The following ENOX1 variants were observed in gnomAD, a reference collection of about 807,000 sequenced individuals.
ENOX1 encodes the protein candidate growth-related and time keeping constitutive hydroquinone (NADH) oxidase.
In ENOX1, 42 loss-of-function variants were observed where a neutral mutation model predicts 82.5. The ratio of observed to expected loss-of-function variants is 0.51; its 90% confidence interval spans 0.40 to 0.66. The LOEUF (loss-of-function observed/expected upper bound fraction) is 0.66, where lower values mean the gene tolerates loss of function less well. Ranked by LOEUF, ENOX1 falls within the 30% of genes least tolerant of loss-of-function variation. The pLI is 0.00. For synonymous variants in ENOX1, 271 were observed against 282.2 expected (o/e 0.96, Z 0.40); for missense variants, 608 against 811.6 (o/e 0.75, Z 3.05).
chr13:43,557,048 G>A (rs933207129), intron 2 of ENOX1, among the ~76,000 whole-genome samples: 3 of 152,360 alleles, frequency 2.0e-5, no homozygotes, highest in South Asian at 4.1e-4. Context: ...TGCGAAGCAG[G>A]AGAGAGTTCA....
chr13:43,218,727 C>G (rs2041623897), intron 16 of ENOX1, among the ~76,000 whole-genome samples: 1 of 152,154 alleles, frequency 6.6e-6, no homozygotes, highest in South Asian at 2.1e-4. Flanking sequence ...AAAGCTGTAT[C>G]AGGTAAGTTA....
At chr13:43,616,451 CT>C (rs66934635) in intron 2 of ENOX1, among the ~76,000 whole-genome samples, 109,192 of 149,896 alleles carry the variant, frequency 0.73, 39,941 homozygotes, top group East Asian at 0.95. Flanking sequence ...ATCCTCCCGC[CT>C]CAGCCTCCCA....
At chr13:43,564,069 T>TA (rs2079810268) in intron 2 of ENOX1, among the ~76,000 whole-genome samples, 1 of 151,724 alleles carries the variant, frequency 6.6e-6, no homozygotes, top group Admixed American at 6.6e-5. Context: ...AAAAATAAAA[T>TA]AAAAAACTAC....
At chr13:43,482,441 A>G (rs769763908) in intron 3 of ENOX1, among the ~76,000 whole-genome samples, 2 of 152,198 alleles carry the variant, frequency 1.3e-5, no homozygotes, top group Admixed American at 6.5e-5. Context: ...AAACTCATAG[A>G]ATAAGGTAAA....
intron 11 of ENOX1, among the ~76,000 whole-genome samples, chr13:43,302,283 AT>A (rs1285099037): frequency 6.6e-6 from 1 of 152,210 alleles, no homozygotes; most frequent in African/African-American, 2.4e-5. Flanking sequence ...GTGATTAAAT[AT>A]TTTGTTGGTG....
At chr13:43,246,778 G>T (rs1377162858) in intron 14 of ENOX1, among the ~76,000 whole-genome samples, 1 of 152,130 alleles carries the variant, frequency 6.6e-6, no homozygotes, top group Non-Finnish European at 1.5e-5. Flanking sequence ...AGGCAAGGAG[G>T]CCCCAGGTGC....
In ENOX1 at chr13:43,707,148, C is replaced by T. The variant is rs145311613; in HGVS notation, c.-284-39604G>A. 1.1e-4 allele frequency among the ~76,000 whole-genome samples: 16 copies of T among 151,864 alleles called. No homozygotes were observed. In the East Asian group the frequency reaches 2.3e-3, roughly 22 times the overall value. On this transcript the variant is annotated intron_variant, in intron 1 of 16. Transcript: ENST00000690772. ...GAATAACTGAAAATGAAATTTAAAA[C>T]GATACTATTAAAAATTGCATAATAA...
At chr13:43,494,368 G>A (rs1046156309) in intron 2 of ENOX1, among the ~76,000 whole-genome samples, 3 of 152,066 alleles carry the variant, frequency 2.0e-5, no homozygotes, top group Non-Finnish European at 4.4e-5. Flanking sequence ...CAGAGACCAC[G>A]TACATCATGT....
At chr13:43,393,758 A>C (rs1375339192) in intron 5 of ENOX1, among the ~76,000 whole-genome samples, 2 of 152,260 alleles carry the variant, frequency 1.3e-5, no homozygotes, top group African/African-American at 2.4e-5. Context: ...CATTAATTTG[A>C]TCCATATCTC....
At chr13:43,392,036 C>G (rs2052811727) in intron 5 of ENOX1, among the ~76,000 whole-genome samples, 1 of 152,184 alleles carries the variant, frequency 6.6e-6, no homozygotes, top group African/African-American at 2.4e-5. Context: ...CCTTCTGCCT[C>G]TGGGGTCCTC....
At chr13:43,317,014 C>A (rs2047538102) in intron 11 of ENOX1, among the ~76,000 whole-genome samples, 1 of 152,220 alleles carries the variant, frequency 6.6e-6, no homozygotes, top group African/African-American at 2.4e-5. Flanking sequence ...TGGTCTATTT[C>A]TCTTTCAGGA....
chr13:43,440,277 GA>G (rs1034534216), intron 3 of ENOX1, among the ~76,000 whole-genome samples: 2 of 152,212 alleles, frequency 1.3e-5, no homozygotes, highest in African/African-American at 4.8e-5. Flanking sequence ...CTAAATGAAT[GA>G]AAAGATGAAT....
intron 2 of ENOX1, among the ~76,000 whole-genome samples, chr13:43,563,279 T>C (rs2079768387): frequency 6.6e-6 from 1 of 152,162 alleles, no homozygotes; most frequent in African/African-American, 2.4e-5. Flanking sequence ...ATTATATGCT[T>C]CTGAATAACT....
At chr13:43,689,625 T>C (rs1292947239) in intron 1 of ENOX1, among the ~76,000 whole-genome samples, 1 of 152,248 alleles carries the variant, frequency 6.6e-6, no homozygotes, top group Non-Finnish European at 1.5e-5. Context: ...TGTGTCATAA[T>C]ATTCATTTTT....
At position 43,574,858 on chromosome 13, in the gene ENOX1, G is replaced by A. The variant is rs114776648; in HGVS notation, c.-218-90706C>T. 2.6e-3 allele frequency among the ~76,000 whole-genome samples: 391 copies of A among 152,260 alleles called. 3 individuals are homozygous for A. Among genetic ancestry groups the A allele is most frequent in the African/African-American group, 9.1e-3 (376 of 41,530 alleles). ...CGAGACACTGGGTGTGTACGATTGA[G>A]GTTATTTAAGATTTTCCCACAATGA... On this transcript the variant is annotated intron_variant, in intron 2 of 16. Coordinates refer to ENST00000690772, the MANE Select transcript of ENOX1 (RefSeq NM_001347969.2).
intron 2 of ENOX1, among the ~76,000 whole-genome samples, chr13:43,661,818 A>T (rs1443617392): frequency 6.6e-6 from 1 of 152,232 alleles, no homozygotes; most frequent in African/African-American, 2.4e-5. Flanking sequence ...TTTTAAACTA[A>T]ATCTGTGATA....
chr13:43,599,356 A>C (rs974722771), intron 2 of ENOX1, among the ~76,000 whole-genome samples: 1 of 151,844 alleles, frequency 6.6e-6, no homozygotes, highest in Non-Finnish European at 1.5e-5. Context: ...TCCCCTAAAC[A>C]CACTTGGGAA....
chr13:43,650,986 G>A (rs1319461656), intron 2 of ENOX1, among the ~76,000 whole-genome samples: 5 of 152,090 alleles, frequency 3.3e-5, no homozygotes, highest in Non-Finnish European at 7.4e-5. Context: ...ATCAGTGCAC[G>A]TCTGAATGCC....
intron 5 of ENOX1, among the ~76,000 whole-genome samples, chr13:43,406,147 C>T (rs571168958): frequency 5.6e-4 from 85 of 152,208 alleles, no homozygotes; most frequent in Non-Finnish European, 1.1e-3. Flanking sequence ...GAGGATTAAA[C>T]AACCCAAGAA....
Sources: allele counts gnomAD v4.1 joint callset (sites outside exome capture counted in the v4.1 genomes callset), GRCh38; gene constraint gnomAD v4.1.1; transcripts MANE v1.5; gene names NCBI Gene and HGNC (gene_info 2026-07-23, HGNC 2026-07-21).